The following MACROD2 variants were observed in gnomAD, a reference collection of about 807,000 sequenced individuals.
MACROD2 encodes the protein ADP-ribose glycohydrolase MACROD2.
Under a neutral mutation model 70.4 loss-of-function variants are expected in MACROD2, and 36 were observed. The observed-to-expected ratio is 0.51, with a 90% CI of 0.39 to 0.68. The LOEUF (loss-of-function observed/expected upper bound fraction) is 0.68, where lower values mean the gene tolerates loss of function less well. MACROD2 is among the 30% of genes least tolerant of loss of function. MACROD2 has a pLI of 0.00. For synonymous variants in MACROD2, 172 were observed against 178.8 expected (o/e 0.96, Z 0.30); for missense variants, 496 against 538.4 (o/e 0.92, Z 0.78).
intron 7 of MACROD2, among the ~76,000 whole-genome samples, chr20:15,497,437 G>C (rs1214864076): frequency 6.6e-6 from 1 of 152,078 alleles, no homozygotes; most frequent in Non-Finnish European, 1.5e-5. Flanking sequence ...CATTACAGGT[G>C]CCCGCCACCA....
intron 3 of MACROD2, among the ~76,000 whole-genome samples, chr20:14,355,843 C>G (rs1316352091): frequency 3.3e-5 from 5 of 152,048 alleles, no homozygotes; most frequent in African/African-American, 1.2e-4. Flanking sequence ...TTCATTTCAG[C>G]CTTGAGATTA....
intron 5 of MACROD2, among the ~76,000 whole-genome samples, chr20:14,886,661 A>G (rs1010440213): frequency 1.3e-5 from 2 of 152,142 alleles, no homozygotes; most frequent in Non-Finnish European, 2.9e-5. Flanking sequence ...ATCTAGCCCA[A>G]TGTCCAGGAA....
At position 15,550,237 on chromosome 20, in the gene MACROD2, TTATTTAAAATAAGAAATATTTAAATAAA is replaced by T. The variant is rs1266249020; in HGVS notation, c.645+50469_645+50496del. On this transcript the variant is annotated intron_variant, in intron 8 of 17. Coordinates refer to ENST00000684519, the MANE Select transcript of MACROD2 (RefSeq NM_001351661.2). ...TAGAGAATTCATACCCACTGTTTTA[TTATTTAAAATAAGAAATATTTAAATAAA>T]TATTTAAAATAAGAAATATTTAAAT... Among the ~76,000 whole-genome samples the T allele has an allele frequency of 1.1e-3, 152 of 134,292 alleles. 3 individuals are homozygous for T. Among genetic ancestry groups the T allele is most frequent in the African/African-American group, 3.0e-3 (99 of 33,298 alleles). The allele number at this position is 134,292 out of a possible 152,430, so 88.1% of individuals were successfully genotyped here.
intron 3 of MACROD2, among the ~76,000 whole-genome samples, chr20:14,272,069 T>C (rs1333059736): frequency 6.6e-6 from 1 of 151,992 alleles, no homozygotes; most frequent in Non-Finnish European, 1.5e-5. Context: ...GAAAACACTC[T>C]GCAGGGTATT....
At chr20:15,088,399 A>ATT (rs2075765336) in intron 5 of MACROD2, among the ~76,000 whole-genome samples, 1 of 1,328 alleles carries the variant, frequency 7.5e-4, no homozygotes, top group Non-Finnish European at 3.0e-3. Context: ...ACTATATTTT[A>ATT]TATATATATA....
chr20:15,044,029 G>A (rs1009204591), intron 5 of MACROD2, among the ~76,000 whole-genome samples: 2 of 152,082 alleles, frequency 1.3e-5, no homozygotes, highest in African/African-American at 4.8e-5. Flanking sequence ...TTTTTATGGA[G>A]GTGTCATTAA....
At chr20:14,474,994 T>G (rs549601930) in intron 3 of MACROD2, among the ~76,000 whole-genome samples, 3 of 151,914 alleles carry the variant, frequency 2.0e-5, no homozygotes, top group African/African-American at 7.3e-5. Context: ...TCCTGCCATT[T>G]TGTTATTTTT....
chr20:15,063,366 C>T (rs2075548567), intron 5 of MACROD2, among the ~76,000 whole-genome samples: 1 of 152,194 alleles, frequency 6.6e-6, no homozygotes, highest in African/African-American at 2.4e-5. Context: ...ACCCTTTCTA[C>T]CACACTCTGT....
intron 13 of MACROD2, among the ~76,000 whole-genome samples, chr20:15,968,220 G>T (rs1471898269): frequency 6.6e-6 from 1 of 152,124 alleles, no homozygotes; most frequent in African/African-American, 2.4e-5. Flanking sequence ...TCAAAATCAG[G>T]TAGTGATTAA....
chr20:14,555,184 A>T (rs957566944), intron 4 of MACROD2, among the ~76,000 whole-genome samples: 8 of 152,092 alleles, frequency 5.3e-5, no homozygotes, highest in South Asian at 2.1e-4. Context: ...CCATGATGTG[A>T]TTATTTTACA....
intron 10 of MACROD2, among the ~76,000 whole-genome samples, chr20:15,891,597 A>G (rs1402533095): frequency 6.6e-6 from 1 of 152,212 alleles, no homozygotes; most frequent in Admixed American, 6.5e-5. Flanking sequence ...GTAGATGAAT[A>G]TGAAATCTAT....
At chr20:16,033,446 A>G (rs2067181927) in intron 15 of MACROD2, among the ~76,000 whole-genome samples, 1 of 152,126 alleles carries the variant, frequency 6.6e-6, no homozygotes, top group Non-Finnish European at 1.5e-5. Flanking sequence ...ATAATAGAAT[A>G]ATGAATGAAT....
chr20:14,475,881 T>TGTTATTATTCAGA (rs2084588031), intron 3 of MACROD2, among the ~76,000 whole-genome samples: 2 of 151,934 alleles, frequency 1.3e-5, no homozygotes, highest in Non-Finnish European at 2.9e-5. Context: ...TTCAGAGTCT[T>TGTTATTATTCAGA]GGGGTAGTGT....
chr20:14,455,944 G>T, intron 3 of MACROD2, among the ~76,000 whole-genome samples: 1 of 151,592 alleles, frequency 6.6e-6, no homozygotes, highest in East Asian at 1.9e-4. Context: ...TTATGTCTCA[G>T]TCTTTGGGAA....
chr20:15,131,223 G>A (rs1415548209), intron 5 of MACROD2, among the ~76,000 whole-genome samples: 1 of 152,080 alleles, frequency 6.6e-6, no homozygotes, highest in Non-Finnish European at 1.5e-5. Flanking sequence ...AAAATAAAAT[G>A]TAGGGAATCA....
intron 4 of MACROD2, among the ~76,000 whole-genome samples, chr20:14,506,247 G>A (rs2123135810): frequency 2.0e-5 from 3 of 152,274 alleles, no homozygotes; most frequent in Admixed American, 2.0e-4. Context: ...AGACCAAAGA[G>A]ACCCTAAGCT....
chr20:15,926,019 G>A (rs2065484446), intron 10 of MACROD2, among the ~76,000 whole-genome samples: 3 of 152,194 alleles, frequency 2.0e-5, no homozygotes, highest in African/African-American at 7.2e-5. Context: ...GGCTACACAT[G>A]CTGCACCACC....
At chr20:14,624,112 C>A (rs1332795892) in intron 4 of MACROD2, among the ~76,000 whole-genome samples, 2 of 152,084 alleles carry the variant, frequency 1.3e-5, no homozygotes, top group Admixed American at 1.3e-4. Context: ...CAGTAAGTGG[C>A]AAGTCTTGGT....
At chr20:14,263,249 C>A (rs1386372724) in intron 3 of MACROD2, among the ~76,000 whole-genome samples, 1 of 152,142 alleles carries the variant, frequency 6.6e-6, no homozygotes, top group East Asian at 1.9e-4. Context: ...GAATTTAATG[C>A]AAATAATTTG....
Sources: allele counts gnomAD v4.1 joint callset (sites outside exome capture counted in the v4.1 genomes callset), GRCh38; gene constraint gnomAD v4.1.1; transcripts MANE v1.5; gene names NCBI Gene and HGNC (gene_info 2026-07-23, HGNC 2026-07-21).